PGS1: variants seen among roughly 807,000 people sequenced by gnomAD.
PGS1 encodes the protein CDP-diacylglycerol--glycerol-3-phosphate 3-phosphatidyltransferase, mitochondrial.
In PGS1, 44 loss-of-function variants were observed where a neutral mutation model predicts 58.3. The ratio of observed to expected loss-of-function variants is 0.75; its 90% CI spans 0.59 to 0.97. PGS1 has a LOEUF of 0.97. PGS1 is among the 50% of genes least tolerant of loss of function. The pLI is 0.00. For missense variants in PGS1, 684 were observed against 731.1 expected (o/e 0.94, Z 0.74); for synonymous variants, 330 against 311.0 (o/e 1.06, Z -0.64).
chr17:78,399,674 C>G, intron 5 of PGS1, 137 bp downstream of exon 5: 1 of 769,138 alleles, frequency 1.3e-6, no homozygotes, highest in Non-Finnish European at 2.1e-6. Context: ...GCACCCGCGG[C>G]ACCTCCCCGA....
intron 9 of PGS1, among the ~76,000 whole-genome samples, chr17:78,422,407 C>T (rs1208126567): frequency 7.5e-6 from 1 of 133,702 alleles, no homozygotes; most frequent in Non-Finnish European, 1.7e-5. Context: ...TGCTTCTTAA[C>T]CCATGATTTA....
intron 2 of PGS1, 81 bp downstream of exon 2, chr17:78,392,746 T>C (rs2082918945): frequency 9.1e-7 from 1 of 1,093,072 alleles, no homozygotes; most frequent in Non-Finnish European, 1.3e-6. Flanking sequence ...CTTTCTAGTC[T>C]AGAAACTTTG....
At chr17:78,417,292 C>T (rs550003535) in intron 8 of PGS1, among the ~76,000 whole-genome samples, 3 of 152,292 alleles carry the variant, frequency 2.0e-5, no homozygotes, top group East Asian at 3.9e-4. Flanking sequence ...TGTGGAGACT[C>T]CTGCAAACCA....
intron 6 of PGS1, among the ~76,000 whole-genome samples, chr17:78,403,020 A>G (rs2083815062): frequency 6.6e-6 from 1 of 152,198 alleles, no homozygotes; most frequent in South Asian, 2.1e-4. Context: ...GCTTTCCCAC[A>G]TGGTGATGTG....
intron 7 of PGS1, among the ~76,000 whole-genome samples, chr17:78,405,581 T>C (rs1349897951): frequency 6.6e-6 from 1 of 152,158 alleles, no homozygotes; most frequent in Non-Finnish European, 1.5e-5. Flanking sequence ...CTCTAAGACA[T>C]GGGTATAACA....
rs1178856055 is a variant in PGS1, at chr17:78,403,898, C to T, written c.1211C>T (p.Ala404Val). ...ATGGACCTGGTCTTGGGCACTCGGGCTGAGTACCAGATCCTGCTGGCCTCA... is the reference window on the plus strand; with the variant it reads ...ATGGACCTGGTCTTGGGCACTCGGGTTGAGTACCAGATCCTGCTGGCCTCA... Reference protein sequence around the residue: ...AYMDLVLGTRAEYQILLASPE... With the variant: ...AYMDLVLGTRVEYQILLASPE... The change falls in exon 7 of 10, where the codon GCT becomes GTT. Residue 404 changes from alanine to valine, a missense_variant. Coordinates refer to ENST00000262764, the MANE Select transcript of PGS1 (RefSeq NM_024419.5). 6.2e-7 allele frequency: 1 copy of T among 1,614,008 alleles called. No homozygotes were observed. Among genetic ancestry groups the T allele is most frequent in the Non-Finnish European group, 8.5e-7 (1 of 1,179,960 alleles).
chr17:78,400,819 G>A lies in PGS1; in HGVS notation c.844G>A (p.Val282Met). ...VSLQLQGDDT[V>M]QVVDGMVHPY... ...CCTGCAGCTGCAGGGGGACGACACG[G>A]TGCAGGTGGTGGATGGGATGGTGCA... is the stretch of plus-strand genomic sequence containing the variant. The change falls in exon 6 of 10, where the codon GTG becomes ATG. Residue 282 changes from valine to methionine, a missense_variant. Physicochemically the swap from Val to Met is conservative, Grantham distance 21 (BLOSUM62 1). Coordinates refer to ENST00000262764, the MANE Select transcript of PGS1 (RefSeq NM_024419.5). The surrounding 1 kb of genome is among the most constrained non-coding windows in gnomAD (Gnocchi z 4.4). 6.2e-7 allele frequency: 1 copy of A among 1,612,078 alleles called. No homozygotes were observed. The highest frequency in any genetic ancestry group is 8.5e-7 in the Non-Finnish European group (1 of 1,178,786).
chr17:78,405,058 C>T (rs564583655), intron 7 of PGS1, among the ~76,000 whole-genome samples: 38 of 151,938 alleles, frequency 2.5e-4, no homozygotes, highest in Middle Eastern at 3.4e-3. Flanking sequence ...AGTGCAGTGG[C>T]ACGATCTCAG....
intron 1 of PGS1, among the ~76,000 whole-genome samples, chr17:78,390,067 C>CGCCCCCGCACCCCT (rs1555628315): frequency 7.0e-6 from 1 of 143,514 alleles, no homozygotes. Context: ...CCTGTTCCCC[C>CGCCCCCGCACCCCT]GCCCCCGACC....
intron 1 of PGS1, among the ~76,000 whole-genome samples, chr17:78,380,559 C>T (rs1337888781): frequency 6.6e-6 from 1 of 152,134 alleles, no homozygotes; most frequent in Non-Finnish European, 1.5e-5. Flanking sequence ...TTCATTTTTT[C>T]AGTGTTTAAC....
chr17:78,392,518 TC>T lies in PGS1; in HGVS notation c.190del (p.Gln64ArgfsTer47). 2 of 1,614,026 alleles carry T rather than the reference TC, an allele frequency of 1.2e-6. No homozygotes were observed. The highest frequency in any genetic ancestry group is 1.7e-6 in the Non-Finnish European group (2 of 1,179,972). ...TGGCTCCCTTGCTGTCCCCAGCTGT[TC>T]CCCAGGTCACCTCCCCACCTTGCTG... ...LLAPLLSPAV[P>X]QVTSPPCCLC... is the part of the protein sequence containing the mutation. On this transcript the variant is annotated frameshift_variant, in exon 2 of 10. Coordinates refer to ENST00000262764, the MANE Select transcript of PGS1 (RefSeq NM_024419.5). LOFTEE classifies it high-confidence loss of function.
rs755488305 is a variant in PGS1, at chr17:78,403,880, T to TG, written c.1195dup (p.Val399GlyfsTer7). On this transcript the variant is annotated frameshift_variant, in exon 7 of 10. Transcript: ENST00000262764. LOFTEE classifies it high-confidence loss of function. Reference sequence around the variant, plus strand: ...AACCTGACCCAGGCCTACATGGACCTGGTCTTGGGCACTCGGGCTGAGTAC... The same window carrying TG: ...AACCTGACCCAGGCCTACATGGACCTGGGTCTTGGGCACTCGGGCTGAGTAC... The TG allele has an allele frequency of 1.2e-6, 2 of 1,614,172 alleles. No homozygotes were observed. The highest frequency in any genetic ancestry group is 2.2e-5 in the South Asian group (2 of 91,090).
chr17:78,395,278 A>G (rs1294349457), intron 2 of PGS1, among the ~76,000 whole-genome samples: 2 of 152,120 alleles, frequency 1.3e-5, no homozygotes, highest in African/African-American at 4.8e-5. Context: ...TTTCTTTATA[A>G]TCATCACCCC....
At chr17:78,381,301 A>T (rs900037510) in intron 1 of PGS1, among the ~76,000 whole-genome samples, 1 of 152,208 alleles carries the variant, frequency 6.6e-6, no homozygotes, top group African/African-American at 2.4e-5. Context: ...CTCTGGGACA[A>T]CAGTTCAACC....
intron 1 of PGS1, 114 bp from the exon 2 acceptor site, chr17:78,392,362 C>A: frequency 1.6e-6 from 1 of 643,724 alleles, no homozygotes; most frequent in Non-Finnish European, 2.7e-6. Context: ...ATTCATAACA[C>A]AAGCAACGCA....
chr17:78,423,931 G>C (rs1463347514), intron 9 of PGS1, 130 bp from the exon 10 acceptor site: 1 of 1,613,990 alleles, frequency 6.2e-7, no homozygotes, highest in Non-Finnish European at 8.5e-7. Context: ...CAGCGCCACG[G>C]CTGCCAGGAT....
In PGS1 at chr17:78,386,997, T is replaced by C. The variant is rs533018241; in HGVS notation, c.144-5479T>C. Among the ~76,000 whole-genome samples the C allele has an allele frequency of 2.6e-5, 4 of 151,786 alleles. No individual in the cohort carries two copies. The South Asian group carries it at 8.3e-4, about 32-fold the overall frequency. On this transcript the variant is annotated intron_variant, in intron 1 of 9. Coordinates refer to ENST00000262764, the MANE Select transcript of PGS1 (RefSeq NM_024419.5). ...ATGATGATGGTGATGATGGTGATGA[T>C]GATGATGATGGTGATGATGATTAGC...
intron 4 of PGS1, among the ~76,000 whole-genome samples, chr17:78,398,920 G>T (rs140309790): frequency 6.6e-6 from 1 of 152,352 alleles, no homozygotes; most frequent in African/African-American, 2.4e-5. Context: ...TGGCCTGACG[G>T]TGGCATGCCC....
chr17:78,424,092 C>A lies in PGS1; in HGVS notation c.*42C>A. ...CCTTGATGAAGATGACAGGCATGGC[C>A]GGGGTCAGCTCTTTCAGCCGCGCTT... On this transcript the variant is annotated 3_prime_UTR_variant, in exon 10 of 10. Transcript: ENST00000262764. The A allele has an allele frequency of 6.2e-7, 1 of 1,613,902 alleles. No homozygotes were observed. The highest frequency in any genetic ancestry group is 8.5e-7 in the Non-Finnish European group (1 of 1,179,880).
Sources: allele counts gnomAD v4.1 joint callset (sites outside exome capture counted in the v4.1 genomes callset), GRCh38; gene constraint gnomAD v4.1.1; non-coding constraint Gnocchi (gnomAD v3.1); transcripts MANE v1.5; gene names NCBI Gene and HGNC (gene_info 2026-07-23, HGNC 2026-07-21).